CFAP299: variants seen among roughly 807,000 people sequenced by gnomAD.
The protein encoded by CFAP299 is cilia- and flagella-associated protein 299.
In CFAP299, 21 loss-of-function variants were observed where a neutral mutation model predicts 27.0. The observed-to-expected ratio is 0.78, with a 90% CI of 0.55 to 1.12. CFAP299 has a LOEUF of 1.12. Among genes scored for constraint, CFAP299 ranks in the 50% most tolerant of loss-of-function variants. CFAP299 has a pLI of 0.00. For synonymous variants in CFAP299, 104 were observed against 98.1 expected, an observed-to-expected ratio of 1.06 and a Z score of -0.36; for missense variants, 310 against 276.6, an observed-to-expected ratio of 1.12 and a Z score of -0.86.
intron 3 of CFAP299, among the ~76,000 whole-genome samples, chr4:80,641,738 G>A (rs944883147): frequency 5.9e-5 from 9 of 152,196 alleles, no homozygotes; most frequent in Non-Finnish European, 1.0e-4. Flanking sequence ...TCACATGGAC[G>A]TGATCTAAGT....
intron 2 of CFAP299, among the ~76,000 whole-genome samples, chr4:80,414,004 A>C (rs1726864925): frequency 1.3e-5 from 2 of 151,898 alleles, no homozygotes; most frequent in Non-Finnish European, 2.9e-5. Context: ...TCTGAAAAGA[A>C]GACTCAGTTG....
chr4:80,852,614 A>C (rs1223795748), intron 3 of CFAP299, among the ~76,000 whole-genome samples: 1 of 152,198 alleles, frequency 6.6e-6, no homozygotes, highest in Non-Finnish European at 1.5e-5. Flanking sequence ...TTGACACTGC[A>C]TTCTATTCAA....
Position 80,888,170 on chromosome 4 carries a change from C to A in CFAP299, c.476+18035C>A, listed in dbSNP as rs182253218. On this transcript the variant is annotated intron_variant, in intron 4 of 5. Coordinates refer to ENST00000358105, the MANE Select transcript of CFAP299 (RefSeq NM_152770.3). The stretch of plus-strand genomic sequence containing the variant: ...TCATTGAATGTAAATGGACTAAATT[C>A]TGCCATCAAAAGACATAGAGTGGCT... Among the ~76,000 whole-genome samples, 56 of 152,140 alleles carry A rather than the reference C, an allele frequency of 3.7e-4. 1 individual carries two copies. Among genetic ancestry groups the A allele is most frequent in the Middle Eastern group, 3.4e-3 (1 of 294 alleles).
intron 4 of CFAP299, among the ~76,000 whole-genome samples, chr4:80,894,169 T>C (rs919080982): frequency 6.6e-6 from 1 of 151,764 alleles, no homozygotes; most frequent in Non-Finnish European, 1.5e-5. Context: ...CAATAAAATA[T>C]CACCTCACAC....
Position 80,654,200 on chromosome 4 carries a change from A to G in CFAP299, c.333+71017A>G, listed in dbSNP as rs147126188. ...TACATTATTGAATTCATGTTTTACA[A>G]ATCTTTGTGTCTTTTTAATTGCCTG... On this transcript the variant is annotated intron_variant, in intron 3 of 5. Coordinates refer to ENST00000358105, the MANE Select transcript of CFAP299 (RefSeq NM_152770.3). 6.6e-5 allele frequency among the ~76,000 whole-genome samples: 10 copies of G among 152,234 alleles called. No homozygotes were observed. The East Asian group carries it at 1.7e-3, about 26-fold the overall frequency.
chr4:80,869,809 C>T (rs1003525012), intron 3 of CFAP299, among the ~76,000 whole-genome samples, 184 bp from the exon 4 acceptor site: 3 of 152,080 alleles, frequency 2.0e-5, no homozygotes, highest in African/African-American at 7.2e-5. Context: ...ACGTGCTGGG[C>T]GAGTAACATG....
At chr4:80,892,714 A>G (rs1188539528) in intron 4 of CFAP299, among the ~76,000 whole-genome samples, 1 of 152,188 alleles carries the variant, frequency 6.6e-6, no homozygotes, top group African/African-American at 2.4e-5. Context: ...CAGATTAGGT[A>G]TAGAAGGAAT....
At position 80,900,123 on chromosome 4, in the gene CFAP299, A is replaced by AGTGTGTGTGTGTGTGT. The variant is rs3038537; in HGVS notation, c.476+30011_476+30026dup. Reference sequence around the variant, plus strand: ...AATAAATGACATAAAAGTGGAAGAAAGTGTGTGTGTGTGTGTGTGTGTGTG... The same window carrying AGTGTGTGTGTGTGTGT: ...AATAAATGACATAAAAGTGGAAGAAAGTGTGTGTGTGTGTGTGTGTGTGTGTGTGTGTGTGTGTGTG... On this transcript the variant is annotated intron_variant, in intron 4 of 5. Coordinates refer to ENST00000358105, the MANE Select transcript of CFAP299 (RefSeq NM_152770.3). 8.3e-3 allele frequency among the ~76,000 whole-genome samples: 1,154 copies of AGTGTGTGTGTGTGTGT among 139,850 alleles called. 15 individuals are homozygous for AGTGTGTGTGTGTGTGT. The highest frequency in any genetic ancestry group is 0.014 in the African/African-American group (515 of 37,382). 91.7% of individuals were successfully genotyped at this position (139,850 alleles called of 152,430 possible).
At chr4:80,540,720 A>G (rs1297869789) in intron 2 of CFAP299, among the ~76,000 whole-genome samples, 2 of 152,198 alleles carry the variant, frequency 1.3e-5, no homozygotes, top group Non-Finnish European at 2.9e-5. Flanking sequence ...TGAAGTATAT[A>G]TATTTTCCAT....
intron 3 of CFAP299, among the ~76,000 whole-genome samples, chr4:80,665,669 ATTTAAGGTAATATGG>A (rs1741110907): frequency 6.6e-6 from 1 of 152,176 alleles, no homozygotes; most frequent in African/African-American, 2.4e-5. Flanking sequence ...TATCATTTGC[ATTTAAGGTAATATGG>A]TTTGGATCTG....
chr4:80,748,075 G>A (rs1724722950), intron 3 of CFAP299, among the ~76,000 whole-genome samples: 1 of 152,010 alleles, frequency 6.6e-6, no homozygotes, highest in Admixed American at 6.6e-5. Context: ...TGTCTAGCCA[G>A]GTAAATCACA....
At chr4:80,885,565 G>C (rs1733931502) in intron 4 of CFAP299, among the ~76,000 whole-genome samples, 1 of 152,064 alleles carries the variant, frequency 6.6e-6, no homozygotes, top group South Asian at 2.1e-4. Context: ...AGAGTCCTGA[G>C]GCCTCCATTC....
intron 3 of CFAP299, among the ~76,000 whole-genome samples, chr4:80,785,740 A>G (rs1479381393): frequency 6.6e-6 from 1 of 152,172 alleles, no homozygotes; most frequent in African/African-American, 2.4e-5. Context: ...AGACATAATT[A>G]TAAAGCTGTT....
At chr4:80,850,646 A>G (rs76925363) in intron 3 of CFAP299, among the ~76,000 whole-genome samples, 2,547 of 152,190 alleles carry the variant, frequency 0.017, 73 homozygotes, top group African/African-American at 0.058. Context: ...CATCATGAGC[A>G]ATTCGCAATA....
At chr4:80,376,407 T>G in intron 2 of CFAP299, among the ~76,000 whole-genome samples, 1 of 152,242 alleles carries the variant, frequency 6.6e-6, no homozygotes, top group Non-Finnish European at 1.5e-5. Flanking sequence ...GAAATATGTT[T>G]TCATATATCT....
intron 2 of CFAP299, among the ~76,000 whole-genome samples, chr4:80,556,568 AC>A (rs1355553289): frequency 6.6e-6 from 1 of 152,020 alleles, no homozygotes; most frequent in East Asian, 1.9e-4. Context: ...TATAATTCTA[AC>A]TTTACAAATA....
intron 2 of CFAP299, among the ~76,000 whole-genome samples, chr4:80,570,783 T>C (rs1735545260): frequency 6.6e-6 from 1 of 152,014 alleles, no homozygotes; most frequent in African/African-American, 2.4e-5. Flanking sequence ...AATGTACACA[T>C]GTACAGGAAA....
At chr4:80,360,964 C>T (rs982589252) in intron 1 of CFAP299, among the ~76,000 whole-genome samples, 5 of 152,148 alleles carry the variant, frequency 3.3e-5, no homozygotes, top group African/African-American at 1.2e-4. Flanking sequence ...AAGCCAAATC[C>T]CCCAAGCAAG....
At chr4:80,708,610 A>G (rs1214015544) in intron 3 of CFAP299, among the ~76,000 whole-genome samples, 1 of 152,116 alleles carries the variant, frequency 6.6e-6, no homozygotes, top group Non-Finnish European at 1.5e-5. Flanking sequence ...CTTTCGTGTT[A>G]ATATTTTTAA....
Sources: gnomAD v4.1 joint callset for allele counts (sites outside exome capture counted in the v4.1 genomes callset) on GRCh38, gnomAD v4.1.1 for gene constraint, MANE v1.5 for transcripts, NCBI Gene and HGNC (gene_info 2026-07-23, HGNC 2026-07-21) for gene names.